The following AKNAD1 variants were observed in gnomAD, a reference collection of about 807,000 sequenced individuals.
AKNAD1 encodes protein AKNAD1.
A neutral mutation model predicts 90.8 loss-of-function variants in AKNAD1; 67 were observed. The observed-to-expected ratio is 0.74, with a 90% CI of 0.61 to 0.90. AKNAD1 has a LOEUF of 0.90. AKNAD1 is among the 40% of genes least tolerant of loss of function. The pLI is 0.00. For missense variants in AKNAD1, 957 were observed against 975.4 expected, an observed-to-expected ratio of 0.98 and a Z score of 0.25; for synonymous variants, 327 against 341.4, an observed-to-expected ratio of 0.96 and a Z score of 0.46.
At position 108,851,799 on chromosome 1, in the gene AKNAD1, G is replaced by GA; in HGVS notation, c.865dup (p.Ser289PhefsTer7). On this transcript the variant is annotated frameshift_variant, in exon 2 of 16. Coordinates refer to ENST00000370001, the MANE Select transcript of AKNAD1 (RefSeq NM_152763.5). LOFTEE classifies it high-confidence loss of function. ...AGTGGGTTTATCTCTCGACTTGGAA[G>GA]AAAAGCTGGCTTGTTTAGCTATTGC... 1 of 1,614,170 alleles carries GA rather than the reference G, an allele frequency of 6.2e-7. No individual in the cohort carries two copies.
intron 13 of AKNAD1, 55 bp from the exon 14 acceptor site, chr1:108,820,681 G>A: frequency 1.0e-6 from 1 of 987,456 alleles, no homozygotes; most frequent in Non-Finnish European, 1.6e-6. Flanking sequence ...GCCCCAAATG[G>A]TGCCTATGTA....
intron 14 of AKNAD1, 58 bp downstream of exon 14, chr1:108,820,487 A>G (rs376947249): frequency 1.7e-6 from 2 of 1,162,510 alleles, no homozygotes; most frequent in Non-Finnish European, 2.6e-6. Flanking sequence ...TATCAAGTAC[A>G]CTGTATCCAC....
chr1:108,820,488 C>T, intron 14 of AKNAD1, 57 bp downstream of exon 14: 2 of 1,178,266 alleles, frequency 1.7e-6, no homozygotes, highest in African/African-American at 3.0e-5. Flanking sequence ...ATCAAGTACA[C>T]TGTATCCACC....
In AKNAD1 at chr1:108,823,649, G is replaced by T. The variant is rs1350381215; in HGVS notation, c.1976C>A (p.Thr659Asn). The change falls in exon 12 of 16, where the codon ACT becomes AAT. Residue 659 changes from threonine to asparagine, a missense_variant. Physicochemically the swap from Thr to Asn is moderately conservative, Grantham distance 65 (BLOSUM62 0). Transcript: ENST00000370001. ...TGHSFCSDSG[T>N]EMQSNKCQDC... ...CTGACATTTGTTACTCTGCATTTCA[G>T]TGCCAGAATCAGAACAGAAGCTGTG... 2 of 1,614,142 alleles carry T rather than the reference G, an allele frequency of 1.2e-6. No individual in the cohort carries two copies. The highest frequency in any genetic ancestry group is 1.7e-5 in the Admixed American group (1 of 60,024).
chr1:108,823,870 C>T (rs1209793757), intron 11 of AKNAD1, among the ~76,000 whole-genome samples, 182 bp from the exon 12 acceptor site: 3 of 152,144 alleles, frequency 2.0e-5, no homozygotes, highest in Admixed American at 6.5e-5. Context: ...TCCCTTCTGA[C>T]AACTGAGAAA....
intron 1 of AKNAD1, among the ~76,000 whole-genome samples, chr1:108,853,478 G>A (rs1447449262): frequency 6.6e-6 from 1 of 151,178 alleles, no homozygotes; most frequent in African/African-American, 2.4e-5. Flanking sequence ...ACGTGTCACT[G>A]ACAGTCTTCT....
chr1:108,842,722 T>C (rs747561538), intron 6 of AKNAD1, among the ~76,000 whole-genome samples: 1 of 151,410 alleles, frequency 6.6e-6, no homozygotes, highest in South Asian at 2.1e-4. Context: ...TGGGGAGAGA[T>C]AGATAAGAGA....
Position 108,843,215 on chromosome 1 carries a change from G to T in AKNAD1, c.1298C>A (p.Ala433Asp), listed in dbSNP as rs1037763796. The T allele has an allele frequency of 6.2e-7, 1 of 1,614,158 alleles. No individual in the cohort carries two copies. Among genetic ancestry groups the T allele is most frequent in the Non-Finnish European group, 8.5e-7 (1 of 1,180,038 alleles). ...HLELLEQNFL[A>D]TKDKHLTLQQ... ...CAAAGTCAGATGCTTGTCCTTGGTG[G>T]CCAGAAAGTTCTGCTCCAGCAGTTC... The change falls in exon 6 of 16, where the codon GCC (alanine) becomes GAC (aspartate). Residue 433 changes from alanine (A) to aspartate (D), a missense_variant. By Grantham distance (126) the Ala-to-Asp change is moderately radical (BLOSUM62 -2). Transcript: ENST00000370001.
chr1:108,839,294 G>A (rs1664467397), intron 6 of AKNAD1, among the ~76,000 whole-genome samples: 3 of 152,026 alleles, frequency 2.0e-5, no homozygotes, highest in South Asian at 4.1e-4. Context: ...GACCATACTG[G>A]CTAACATGGT....
intron 1 of AKNAD1, among the ~76,000 whole-genome samples, chr1:108,854,500 C>T (rs550441691): frequency 6.6e-6 from 1 of 152,094 alleles, no homozygotes; most frequent in Non-Finnish European, 1.5e-5. Context: ...TTTTTTTGAA[C>T]TAAGTCGTCC....
At chr1:108,823,866 C>T (rs1663905474) in intron 11 of AKNAD1, among the ~76,000 whole-genome samples, 178 bp from the exon 12 acceptor site, 1 of 152,174 alleles carries the variant, frequency 6.6e-6, no homozygotes, top group Non-Finnish European at 1.5e-5. Flanking sequence ...GGATTCCCTT[C>T]TGACAACTGA....
Position 108,837,626 on chromosome 1 carries a change from G to A in AKNAD1, c.1460C>T (p.Ser487Leu), listed in dbSNP as rs747740802. The change falls in exon 7 of 16, where the codon TCA becomes TTA. Residue 487 changes from serine (S) to leucine (L), a missense_variant. By Grantham distance (145) the Ser-to-Leu change is moderately radical (BLOSUM62 -2). Transcript: ENST00000370001. ...AGAACTCACAGGAAGGGAAGGAGCTGAAGTATATTTGCTTTCATCCATTTT... is the reference window on the plus strand; with the variant it reads ...AGAACTCACAGGAAGGGAAGGAGCTAAAGTATATTTGCTTTCATCCATTTT... ...KEKMDESKYT[S>L]APSLPVSSPV... The A allele has an allele frequency of 6.2e-7, 1 of 1,614,182 alleles. No homozygotes were observed. Among genetic ancestry groups the A allele is most frequent in the Admixed American group, 1.7e-5 (1 of 60,024 alleles).
intron 11 of AKNAD1, among the ~76,000 whole-genome samples, chr1:108,824,741 G>T (rs1022381467): frequency 6.6e-6 from 1 of 151,104 alleles, no homozygotes; most frequent in Non-Finnish European, 1.5e-5. Context: ...TAAATATTGG[G>T]TCCCTATGTT....
intron 3 of AKNAD1, 43 bp from the exon 4 acceptor site, chr1:108,849,103 T>C (rs1182963901): frequency 1.1e-5 from 17 of 1,501,888 alleles, no homozygotes. Context: ...TCATCTCAAC[T>C]TATCACAGTT....
At chr1:108,816,793 G>A (rs902630979) in intron 15 of AKNAD1, 2 of 428,066 alleles carry the variant, frequency 4.7e-6, no homozygotes, top group Non-Finnish European at 8.5e-6. Flanking sequence ...CCCGGCCAGG[G>A]AAATCCTGTA....
At chr1:108,833,855 T>C (rs939795727) in intron 9 of AKNAD1, among the ~76,000 whole-genome samples, 6 of 152,044 alleles carry the variant, frequency 3.9e-5, no homozygotes, top group Non-Finnish European at 1.5e-5. Context: ...GACCCGGGCA[T>C]CACCTATCAT....
intron 9 of AKNAD1, among the ~76,000 whole-genome samples, chr1:108,832,712 G>T (rs1422243219): frequency 6.6e-6 from 1 of 152,120 alleles, no homozygotes; most frequent in Non-Finnish European, 1.5e-5. Context: ...TGTCAAGGAG[G>T]AGGTGCGAGT....
chr1:108,820,578 G>T lies in AKNAD1; in HGVS notation c.2216C>A (p.Ser739Tyr). ...RICSQRVNSKSFKGEHEPTPG... is the reference protein window; with the variant it reads ...RICSQRVNSKYFKGEHEPTPG... Reference sequence around the variant, plus strand: ...TGTGGGCTCATGTTCACCTTTAAAGGATTTTGAATTCACTCTCTGAGAACA... The same window carrying T: ...TGTGGGCTCATGTTCACCTTTAAAGTATTTTGAATTCACTCTCTGAGAACA... Residue 739 changes from serine to tyrosine, a missense_variant, in exon 14 of 16, where the codon TCC becomes TAC. Ser to Tyr is a moderately radical substitution (Grantham distance 144). Coordinates refer to ENST00000370001, the MANE Select transcript of AKNAD1 (RefSeq NM_152763.5). The T allele has an allele frequency of 3.7e-6, 6 of 1,610,494 alleles. No individual in the cohort carries two copies. The highest frequency in any genetic ancestry group is 5.1e-6 in the Non-Finnish European group (6 of 1,177,592).
At chr1:108,839,471 T>TAAAAAAAAAAAAGAAAAAAAAAAA (rs3044857) in intron 6 of AKNAD1, among the ~76,000 whole-genome samples, 6 of 126,162 alleles carry the variant, frequency 4.8e-5, no homozygotes, top group African/African-American at 2.0e-4. Context: ...TCCGTCTCAA[T>TAAAAAAAAAAAAGAAAAAAAAAAA]AAAAAAAAAA....
Sources: gnomAD v4.1 joint callset for allele counts (sites outside exome capture counted in the v4.1 genomes callset) on GRCh38, gnomAD v4.1.1 for gene constraint, MANE v1.5 for transcripts, NCBI Gene and HGNC (gene_info 2026-07-23, HGNC 2026-07-21) for gene names.